The following PCDHA10 variants were observed in gnomAD, a reference collection of about 807,000 sequenced individuals.
PCDHA10 encodes the protein protocadherin alpha-10.
Under a neutral mutation model 61.2 loss-of-function variants are expected in PCDHA10, and 45 were observed. That is an observed-to-expected ratio of 0.74 (90% CI 0.58 to 0.94). PCDHA10 has a LOEUF of 0.94. PCDHA10 is among the 40% of genes least tolerant of loss of function. PCDHA10 has a pLI of 0.00. For synonymous variants in PCDHA10, 602 were observed against 548.8 expected, an observed-to-expected ratio of 1.10 and a Z score of -1.35; for missense variants, 1,278 against 1,236.2, an observed-to-expected ratio of 1.03 and a Z score of -0.51.
rs569501434 is a variant in PCDHA10 at position 140,980,458 on chromosome 5, T to C, written c.2447+1451T>C. Among the ~76,000 whole-genome samples the C allele has an allele frequency of 1.6e-4, 25 of 152,264 alleles. No individual in the cohort carries two copies. The South Asian group carries it at 2.7e-3, about 16-fold the overall frequency. ...CATCCTGGACAACACGGTGAAACCC[T>C]GTCTCTACTAAAAATACAAAAATTA... On this transcript the variant is annotated intron_variant, in intron 2 of 3. Coordinates refer to ENST00000307360, the MANE Select transcript of PCDHA10 (RefSeq NM_018901.4).
intron 1 of PCDHA10, chr5:140,858,710 T>C (rs2150436389): frequency 5.6e-6 from 3 of 537,418 alleles, no homozygotes; most frequent in South Asian, 5.1e-5. Flanking sequence ...ATATGTGATA[T>C]AGGTTGCAGT....
At chr5:140,882,655 C>T in intron 1 of PCDHA10, 5 of 1,614,196 alleles carry the variant, frequency 3.1e-6, no homozygotes, top group Non-Finnish European at 4.2e-6. Context: ...TTAACGACAA[C>T]CCGCCCATAT....
chr5:140,927,611 C>T, intron 1 of PCDHA10: 1 of 1,614,164 alleles, frequency 6.2e-7, no homozygotes, highest in Admixed American at 1.7e-5. Context: ...GTATACCGCA[C>T]CAAGGTTCCA....
intron 1 of PCDHA10, among the ~76,000 whole-genome samples, chr5:140,901,959 A>G (rs1163639408): frequency 6.6e-6 from 1 of 152,076 alleles, no homozygotes; most frequent in Admixed American, 6.6e-5. Flanking sequence ...ATTCGTGGCT[A>G]TCGTAAATGG....
chr5:140,909,996 T>G (rs549464312), intron 1 of PCDHA10, among the ~76,000 whole-genome samples: 5 of 152,310 alleles, frequency 3.3e-5, no homozygotes, highest in African/African-American at 1.2e-4. Context: ...ACAGCATAAA[T>G]TGTTGTCAGT....
chr5:140,900,252 AG>A (rs2067859572), intron 1 of PCDHA10, among the ~76,000 whole-genome samples: 1 of 152,096 alleles, frequency 6.6e-6, no homozygotes, highest in South Asian at 2.1e-4. Flanking sequence ...ATGGCTGAAT[AG>A]TACTCCATTG....
chr5:140,874,590 T>C (rs1345853316), intron 1 of PCDHA10, among the ~76,000 whole-genome samples: 11 of 152,248 alleles, frequency 7.2e-5, no homozygotes, highest in Non-Finnish European at 1.5e-4. Flanking sequence ...TTTGGGATAG[T>C]GTGAAATTTG....
At chr5:140,884,908 T>C (rs1056953779) in intron 1 of PCDHA10, among the ~76,000 whole-genome samples, 1 of 152,234 alleles carries the variant, frequency 6.6e-6, no homozygotes, top group Admixed American at 6.5e-5. Flanking sequence ...TGTTGTATTC[T>C]TAATAGTTCT....
intron 1 of PCDHA10, chr5:140,861,826 A>T (rs1350185354): frequency 1.9e-5 from 3 of 159,376 alleles, no homozygotes; most frequent in African/African-American, 7.2e-5. Flanking sequence ...CAGATAGGTA[A>T]GTCACTTCAG....
chr5:140,868,449 C>T (rs1323009325), intron 1 of PCDHA10: 1 of 152,158 alleles, frequency 6.6e-6, no homozygotes, highest in Non-Finnish European at 1.5e-5. Context: ...GGAACATAAA[C>T]ACTAAAGAGC....
intron 2 of PCDHA10, among the ~76,000 whole-genome samples, chr5:140,980,525 G>C (rs1554241939): frequency 6.6e-6 from 1 of 152,166 alleles, no homozygotes; most frequent in African/African-American, 2.4e-5. Context: ...AGCTACTAGG[G>C]AGGCTGAGGC....
At chr5:141,000,223 G>A (rs1190945878) in intron 3 of PCDHA10, among the ~76,000 whole-genome samples, 2 of 151,642 alleles carry the variant, frequency 1.3e-5, no homozygotes, top group African/African-American at 4.8e-5. Flanking sequence ...AAATGCCTGT[G>A]TGGAGCTGAA....
chr5:140,882,929 G>A, intron 1 of PCDHA10: 1 of 1,614,160 alleles, frequency 6.2e-7, no homozygotes, highest in Non-Finnish European at 8.5e-7. Context: ...AGGTAAACCC[G>A]AGCTGACTGG....
At chr5:140,964,721 C>T (rs2095851062) in intron 1 of PCDHA10, among the ~76,000 whole-genome samples, 1 of 151,598 alleles carries the variant, frequency 6.6e-6, no homozygotes, top group East Asian at 1.9e-4. Flanking sequence ...CAAATTACCA[C>T]AGCAAACTGA....
intron 1 of PCDHA10, chr5:140,877,285 G>C: frequency 1.2e-6 from 2 of 1,613,898 alleles, no homozygotes; most frequent in Non-Finnish European, 1.7e-6. Context: ...CGGCTATAAC[G>C]CTTGGCTGTC....
At chr5:140,875,377 A>G in intron 1 of PCDHA10, 1 of 1,457,802 alleles carries the variant, frequency 6.9e-7, no homozygotes, top group Non-Finnish European at 9.0e-7. Context: ...TTTACTAAAT[A>G]TGTACTTACA....
At chr5:140,937,748 T>C (rs192465220) in intron 1 of PCDHA10, among the ~76,000 whole-genome samples, 1 of 151,812 alleles carries the variant, frequency 6.6e-6, no homozygotes, top group Admixed American at 6.6e-5. Context: ...CCGTCTCTAC[T>C]AAAAATACAA....
intron 1 of PCDHA10, among the ~76,000 whole-genome samples, chr5:140,955,464 T>C (rs563782102): frequency 2.0e-5 from 3 of 152,218 alleles, no homozygotes; most frequent in South Asian, 2.1e-4. Context: ...TTTTTCCTTT[T>C]TGCTTGGCAC....
At chr5:140,911,659 T>G (rs2075588861) in intron 1 of PCDHA10, among the ~76,000 whole-genome samples, 1 of 152,142 alleles carries the variant, frequency 6.6e-6, no homozygotes, top group African/African-American at 2.4e-5. Flanking sequence ...GTTACTAAAC[T>G]CCTTGCCTCT....
Sources: gnomAD v4.1 joint callset for allele counts (sites outside exome capture counted in the v4.1 genomes callset) on GRCh38, gnomAD v4.1.1 for gene constraint, MANE v1.5 for transcripts, NCBI Gene and HGNC (gene_info 2026-07-23, HGNC 2026-07-21) for gene names.